RASGRF1: variants seen among roughly 807,000 people sequenced by gnomAD.
The protein encoded by RASGRF1 is Ras protein specific guanine nucleotide releasing factor 1.
RASGRF1 carries 40 observed loss-of-function variants against 138.7 expected under a neutral mutation model. The ratio of observed to expected loss-of-function variants is 0.29; its 90% CI spans 0.22 to 0.38. RASGRF1 has a LOEUF of 0.38. Ranked by LOEUF, RASGRF1 falls within the 10% of genes least tolerant of loss-of-function variation. The pLI, the probability that RASGRF1 is intolerant of heterozygous loss-of-function variation, is 1.00. For synonymous variants in RASGRF1, 614 were observed against 663.2 expected, an observed-to-expected ratio of 0.93 and a Z score of 1.14; for missense variants, 1,108 against 1,650.4, an observed-to-expected ratio of 0.67 and a Z score of 5.69.
At position 78,995,815 on chromosome 15, in the gene RASGRF1, G is replaced by A. The variant is rs371581224; in HGVS notation, c.2967-15C>T. 4 of 1,613,926 alleles carry A rather than the reference G, an allele frequency of 2.5e-6. No homozygotes were observed. In the African/African-American group the frequency reaches 5.3e-5, roughly 22 times the overall value. On this transcript the variant is annotated splice_polypyrimidine_tract_variant and intron_variant, in intron 19 of 26. Transcript: ENST00000558480. ...GGGTCAGAGTCCTAGGCAGGAGCGA[G>A]AAGGCACGGTGAGCCCCACTTCACG...
intron 1 of RASGRF1, among the ~76,000 whole-genome samples, chr15:79,065,168 CT>C (rs1410408458): frequency 1.3e-5 from 2 of 152,212 alleles, no homozygotes; most frequent in African/African-American, 4.8e-5. Context: ...CTAGTAAGCA[CT>C]GTAATTGCTG....
intron 26 of RASGRF1, among the ~76,000 whole-genome samples, chr15:78,963,964 AT>A (rs1460567872): frequency 2.0e-5 from 3 of 152,056 alleles, no homozygotes; most frequent in Non-Finnish European, 4.4e-5. Context: ...CAGGAAACTG[AT>A]TAGTTTCCTC....
At position 79,006,308 on chromosome 15, in the gene RASGRF1, G is replaced by A; in HGVS notation, c.1953C>T (p.Arg651=). Residue 651 remains arginine, a synonymous_variant, in exon 14 of 27, where the codon CGC becomes CGT. Coordinates refer to ENST00000558480, the MANE Select transcript of RASGRF1 (RefSeq NM_001145648.3). The surrounding 1 kb of genome is among the most constrained non-coding windows in gnomAD (Gnocchi z 4.0). ...TGTTGAGGAAGTCGATGCTCAGGAA[G>A]CGCAGGTCCGTCAGCCTCTCCAGCA... ...ERLLERLTDL[R]FLSIDFLNTF... 6.2e-7 allele frequency: 1 copy of A among 1,614,226 alleles called. No individual in the cohort carries two copies. The highest frequency in any genetic ancestry group is 8.5e-7 in the Non-Finnish European group (1 of 1,180,044).
chr15:78,995,819 G>C lies in RASGRF1; in HGVS notation c.2967-19C>G, dbSNP rs761987529. ...CAGAGTCCTAGGCAGGAGCGAGAAG[G>C]CACGGTGAGCCCCACTTCACGTTGC... On this transcript the variant is annotated intron_variant, in intron 19 of 26. Transcript: ENST00000558480. The C allele has an allele frequency of 1.9e-6, 3 of 1,613,876 alleles. No individual in the cohort carries two copies. The South Asian group carries it at 3.3e-5, about 18-fold the overall frequency.
intron 4 of RASGRF1, 67 bp downstream of exon 4, chr15:79,049,429 G>T: frequency 6.7e-7 from 1 of 1,485,774 alleles, no homozygotes; most frequent in Non-Finnish European, 9.3e-7. Context: ...TGTGGATACT[G>T]CCAACCCTGG....
chr15:78,973,566 C>CTAT lies in RASGRF1; in HGVS notation c.3495-149_3495-147dup, dbSNP rs2055814700. Reference sequence around the variant, plus strand: ...GAATCACACTACACTCTAGAACTGACTATTCTACACGCCCAGGACTGTCGG... The same window carrying CTAT: ...GAATCACACTACACTCTAGAACTGACTATTATTCTACACGCCCAGGACTGTCGG... On this transcript the variant is annotated intron_variant, in intron 24 of 26. Coordinates refer to ENST00000558480, the MANE Select transcript of RASGRF1 (RefSeq NM_001145648.3). This position sits in a 1 kb window ranked among gnomAD's most constrained non-coding sequence, Gnocchi z 4.9. 3.3e-6 allele frequency: 2 copies of CTAT among 607,086 alleles called. No homozygotes were observed. The highest frequency in any genetic ancestry group is 6.0e-5 in the East Asian group (2 of 33,316). 37.6% of individuals were successfully genotyped at this position (607,086 alleles called of 1,614,324 possible).
chr15:79,001,501 C>T (rs994902761), intron 16 of RASGRF1, among the ~76,000 whole-genome samples, 161 bp downstream of exon 16: 15 of 116,582 alleles, frequency 1.3e-4, no homozygotes, highest in Admixed American at 3.3e-4. Flanking sequence ...TGGCGGGGGG[C>T]GGGTGGTGGT....
intron 13 of RASGRF1, among the ~76,000 whole-genome samples, chr15:79,010,859 C>T (rs1240882781): frequency 2.0e-5 from 3 of 152,164 alleles, no homozygotes; most frequent in African/African-American, 7.2e-5. Flanking sequence ...AGACGCTGAC[C>T]GCTACATCCA....
chr15:78,998,844 G>A lies in RASGRF1; in HGVS notation c.2747-19C>T. On this transcript the variant is annotated intron_variant, in intron 17 of 26. Transcript: ENST00000558480. ...GGAAACCCTGGCAGCATGCGTGGCA[G>A]AGGGGAGAGAGGACAGGTGAGGACA... 6.4e-7 allele frequency: 1 copy of A among 1,572,474 alleles called. No individual in the cohort carries two copies. Among genetic ancestry groups the A allele is most frequent in the East Asian group, 2.2e-5 (1 of 44,666 alleles).
At chr15:79,012,068 C>T (rs979239466) in intron 13 of RASGRF1, among the ~76,000 whole-genome samples, 1 of 152,066 alleles carries the variant, frequency 6.6e-6, no homozygotes, top group African/African-American at 2.4e-5. Context: ...AGCATCTTAA[C>T]TTAGCCTATG....
intron 23 of RASGRF1, 98 bp from the exon 24 acceptor site, chr15:78,980,797 C>T (rs2056009397): frequency 1.1e-6 from 1 of 897,642 alleles, no homozygotes; most frequent in African/African-American, 1.7e-5. Flanking sequence ...CCCAACAGGG[C>T]TCCAGAATTG....
chr15:78,964,578 C>T (rs553813949), intron 26 of RASGRF1, among the ~76,000 whole-genome samples: 20 of 152,300 alleles, frequency 1.3e-4, no homozygotes, highest in African/African-American at 4.8e-4. Context: ...TTTCCAGGGC[C>T]CAGTGTGACC....
chr15:79,017,687 C>T (rs2056899325), intron 12 of RASGRF1, 83 bp downstream of exon 12: 4 of 1,451,954 alleles, frequency 2.8e-6, no homozygotes, highest in Non-Finnish European at 3.7e-6. Context: ...CCACCCCCAC[C>T]CCCTACCTGC....
Position 79,073,164 on chromosome 15 carries a change from C to T in RASGRF1, c.277-8638G>A, listed in dbSNP as rs981344207. Among the ~76,000 whole-genome samples the T allele has an allele frequency of 1.3e-5, 2 of 151,850 alleles. No homozygotes were observed. The highest frequency in any genetic ancestry group is 6.6e-5 in the Admixed American group (1 of 15,198). ...ATAGGATACATTCAGATACAGGACC[C>T]GAGTCCAAGTTTCAATAACAAATCT... On this transcript the variant is annotated intron_variant, in intron 1 of 26. Transcript: ENST00000558480. This position sits in a 1 kb window ranked among gnomAD's most constrained non-coding sequence, Gnocchi z 4.2.
rs1392038336 is a variant in RASGRF1, at chr15:79,006,786, A to C, written c.1827-352T>G. 2.0e-5 allele frequency among the ~76,000 whole-genome samples: 3 copies of C among 152,072 alleles called. No homozygotes were observed. Among genetic ancestry groups the C allele is most frequent in the Non-Finnish European group, 4.4e-5 (3 of 67,992 alleles). Reference sequence around the variant, plus strand: ...CAGCACTTTGGGAGGCTGAGGTGGGAGGATCACTTGAGGTCAGGAGCTCAA... The same window carrying C: ...CAGCACTTTGGGAGGCTGAGGTGGGCGGATCACTTGAGGTCAGGAGCTCAA... On this transcript the variant is annotated intron_variant, in intron 13 of 26. Coordinates refer to ENST00000558480, the MANE Select transcript of RASGRF1 (RefSeq NM_001145648.3). This position sits in a 1 kb window ranked among gnomAD's most constrained non-coding sequence, Gnocchi z 4.0.
Position 78,987,723 on chromosome 15 carries a change from C to CAAAA in RASGRF1, c.3216+2465_3216+2466insTTTT, listed in dbSNP as rs573556840. 2.4e-3 allele frequency among the ~76,000 whole-genome samples: 370 copies of CAAAA among 151,344 alleles called. 2 individuals are homozygous for CAAAA. Among genetic ancestry groups the CAAAA allele is most frequent in the African/African-American group, 8.7e-3 (360 of 41,338 alleles). ...ACAAAACAAAACAAAACAAAAAAAACCAAAAAACCCCACAAAAAACCCAAG... is the reference window on the plus strand; with the variant it reads ...ACAAAACAAAACAAAACAAAAAAAACAAAACAAAAAACCCCACAAAAAACCCAAG... On this transcript the variant is annotated intron_variant, in intron 22 of 26. Coordinates refer to ENST00000558480, the MANE Select transcript of RASGRF1 (RefSeq NM_001145648.3).
chr15:79,076,792 G>T (rs961998672), intron 1 of RASGRF1, among the ~76,000 whole-genome samples: 1 of 152,160 alleles, frequency 6.6e-6, no homozygotes, highest in Admixed American at 6.5e-5. Context: ...TTGAGCAAAA[G>T]GCTCCTGCTC....
In RASGRF1 at chr15:78,990,266, A is replaced by G. The variant is rs771381736; in HGVS notation, c.3139T>C (p.Phe1047Leu). ...TCCAGTTTCATCCATCCTTGTCCGA[A>G]GAACTCCCTGTAGGAAGTAAGGGGA... Reference protein sequence around the residue: ...VFKKIPYEEFFGQGWMKLEKN... With the variant: ...VFKKIPYEEFLGQGWMKLEKN... Residue 1047 changes from phenylalanine (F) to leucine (L), a missense_variant, in exon 22 of 27, where the codon TTC (phenylalanine) becomes CTC (leucine). Around this residue, in one of 3 missense-constraint regions of RASGRF1, gnomAD observed 686 missense variants for 976.7 expected, o/e 0.70. Coordinates refer to ENST00000558480, the MANE Select transcript of RASGRF1 (RefSeq NM_001145648.3). 1 of 1,605,860 alleles carries G rather than the reference A, an allele frequency of 6.2e-7. No homozygotes were observed. The highest frequency in any genetic ancestry group is 8.5e-7 in the Non-Finnish European group (1 of 1,172,446).
intron 1 of RASGRF1, among the ~76,000 whole-genome samples, chr15:79,085,271 G>A (rs1044095946): frequency 2.6e-5 from 4 of 152,314 alleles, no homozygotes; most frequent in African/African-American, 9.6e-5. Context: ...GGAGGGAATG[G>A]CTTCTGCCAC....
Sources: allele counts gnomAD v4.1 joint callset (sites outside exome capture counted in the v4.1 genomes callset), GRCh38; gene constraint gnomAD v4.1.1; regional missense constraint gnomAD v4.1.1; non-coding constraint Gnocchi (gnomAD v3.1); transcripts MANE v1.5; gene names NCBI Gene and HGNC (gene_info 2026-07-23, HGNC 2026-07-21).